FUT9: variants seen among roughly 807,000 people sequenced by gnomAD.
The protein encoded by FUT9 is 4-galactosyl-N-acetylglucosaminide 3-alpha-L-fucosyltransferase 9.
FUT9 carries 15 observed loss-of-function variants against 29.7 expected under a neutral mutation model. The ratio of observed to expected loss-of-function variants is 0.51; its 90% CI spans 0.34 to 0.78. The LOEUF (loss-of-function observed/expected upper bound fraction) is 0.78, where lower values mean the gene tolerates loss of function less well. Ranked by LOEUF, FUT9 falls within the 30% of genes least tolerant of loss-of-function variation. The probability of loss-of-function intolerance (pLI) is 0.01; values close to 1 mark genes in which losing one functional copy is unlikely to be tolerated. For missense variants in FUT9, 319 were observed against 425.4 expected (o/e 0.75, Z 2.20); for synonymous variants, 169 against 153.7 (o/e 1.10, Z -0.74).
intron 2 of FUT9, among the ~76,000 whole-genome samples, chr6:96,135,265 C>T (rs1170045608): frequency 6.6e-6 from 1 of 151,852 alleles, no homozygotes; most frequent in Non-Finnish European, 1.5e-5. Context: ...TAAACACACA[C>T]ATACATGAGG....
Position 96,066,479 on chromosome 6 carries a change from A to G in FUT9, c.-97-47560A>G, listed in dbSNP as rs146193296. On this transcript the variant is annotated intron_variant, in intron 1 of 2. Coordinates refer to ENST00000302103, the MANE Select transcript of FUT9 (RefSeq NM_006581.4). ...ATTTAACCACAAGTATGATATTATC[A>G]TTTGGTACTGACAGGGCTATTGTCA... is the stretch of plus-strand genomic sequence containing the variant. 2.6e-3 allele frequency among the ~76,000 whole-genome samples: 398 copies of G among 152,158 alleles called. 19 individuals carry two copies. The East Asian group carries it at 0.062, about 24-fold the overall frequency.
At chr6:96,164,399 C>T (rs139466396) in intron 2 of FUT9, among the ~76,000 whole-genome samples, 14 of 152,096 alleles carry the variant, frequency 9.2e-5, no homozygotes, top group African/African-American at 3.4e-4. Flanking sequence ...GCTGGGACTA[C>T]AGGCGCCTGC....
chr6:96,128,980 G>A (rs571204664), intron 2 of FUT9, among the ~76,000 whole-genome samples: 4 of 151,688 alleles, frequency 2.6e-5, no homozygotes, highest in African/African-American at 4.8e-5. Context: ...AATAGCCACC[G>A]GGTGTGGTGG....
chr6:96,028,028 A>T (rs1228178002), intron 1 of FUT9, among the ~76,000 whole-genome samples: 1 of 151,646 alleles, frequency 6.6e-6, no homozygotes, highest in Non-Finnish European at 1.5e-5. Context: ...AGTGAATCAA[A>T]CACAAGACAG....
chr6:96,176,454 A>G (rs1383075606), intron 2 of FUT9, among the ~76,000 whole-genome samples: 3 of 152,146 alleles, frequency 2.0e-5, no homozygotes, highest in African/African-American at 7.2e-5. Context: ...CTGTCATTGT[A>G]GCACAAAAGC....
rs567952723 is a variant in FUT9 at position 96,122,371 on chromosome 6, C to G, written c.-9+8244C>G. On this transcript the variant is annotated intron_variant, in intron 2 of 2. Transcript: ENST00000302103. ...ATATTGGATGGGTGGCTGGAACTCT[C>G]AAATGCAGAAACTACACTTTAGGTT... 2.0e-5 allele frequency among the ~76,000 whole-genome samples: 3 copies of G among 152,246 alleles called. No individual in the cohort carries two copies. In the South Asian group the frequency reaches 6.2e-4, roughly 32 times the overall value.
Position 96,058,468 on chromosome 6 carries a change from C to CAAAAAAAAA in FUT9, c.-98+42266_-98+42274dup, listed in dbSNP as rs3079049. Among the ~76,000 whole-genome samples, 171 of 77,078 alleles carry CAAAAAAAAA rather than the reference C, an allele frequency of 2.2e-3. 4 individuals carry two copies. Among genetic ancestry groups the CAAAAAAAAA allele is most frequent in the African/African-American group, 6.3e-3 (108 of 17,120 alleles). 50.6% of individuals were successfully genotyped at this position (77,078 alleles called of 152,430 possible). A position where few individuals can be genotyped will look rare whatever the true frequency, so the allele number is the denominator to read the frequency against. On this transcript the variant is annotated intron_variant, in intron 1 of 2. Coordinates refer to ENST00000302103, the MANE Select transcript of FUT9 (RefSeq NM_006581.4). ...AAAGACTGGGAACCTGGCTTTATTC[C>CAAAAAAAAA]AAAAAAAAAAAAAAAAAAGCCAGAA...
At chr6:96,020,634 T>C (rs1770050953) in intron 1 of FUT9, among the ~76,000 whole-genome samples, 1 of 152,114 alleles carries the variant, frequency 6.6e-6, no homozygotes, top group African/African-American at 2.4e-5. Context: ...TTCTTGGTTA[T>C]GGTGGCTCAT....
intron 1 of FUT9, among the ~76,000 whole-genome samples, chr6:96,086,568 C>T (rs571215715): frequency 1.3e-5 from 2 of 152,296 alleles, no homozygotes; most frequent in East Asian, 3.9e-4. Flanking sequence ...CTTAAAGTCA[C>T]AAAGATATTC....
At position 96,204,243 on chromosome 6, in the gene FUT9, C is replaced by A; in HGVS notation, c.*8C>A. The A allele has an allele frequency of 1.4e-6, 2 of 1,431,942 alleles. No homozygotes were observed. Among genetic ancestry groups the A allele is most frequent in the South Asian group, 1.8e-5 (1 of 54,474 alleles). 88.7% of individuals were successfully genotyped at this position (1,431,942 alleles called of 1,614,324 possible). A position where few individuals can be genotyped will look rare whatever the true frequency, so the allele number is the denominator to read the frequency against. Reference sequence around the variant, plus strand: ...AAATGGTTTTGGAATTAAAATTTTTCATCACTTGCACACTTGATAAATATT... The same window carrying A: ...AAATGGTTTTGGAATTAAAATTTTTAATCACTTGCACACTTGATAAATATT... On this transcript the variant is annotated 3_prime_UTR_variant, in exon 3 of 3. Coordinates refer to ENST00000302103, the MANE Select transcript of FUT9 (RefSeq NM_006581.4).
intron 1 of FUT9, among the ~76,000 whole-genome samples, chr6:96,069,964 A>T (rs1009780330): frequency 1.3e-5 from 2 of 152,196 alleles, no homozygotes; most frequent in Admixed American, 6.5e-5. Flanking sequence ...AGCTAAAAAA[A>T]CACACAAAAT....
chr6:96,103,879 T>C (rs1771632287), intron 1 of FUT9, among the ~76,000 whole-genome samples: 1 of 152,202 alleles, frequency 6.6e-6, no homozygotes, highest in South Asian at 2.1e-4. Context: ...AATTGGTGGA[T>C]CCATCTTAAC....
At chr6:96,115,616 G>A (rs1771896339) in intron 2 of FUT9, among the ~76,000 whole-genome samples, 1 of 152,118 alleles carries the variant, frequency 6.6e-6, no homozygotes, top group East Asian at 1.9e-4. Context: ...GTGGCTGGTA[G>A]TTTCCATACT....
In FUT9 at chr6:96,142,250, C is replaced by T. The variant is rs559942028; in HGVS notation, c.-9+28123C>T. Among the ~76,000 whole-genome samples, 73 of 152,006 alleles carry T rather than the reference C, an allele frequency of 4.8e-4. 1 individual carries two copies. Among genetic ancestry groups the T allele is most frequent in the Non-Finnish European group, 1.2e-4 (8 of 67,996 alleles). On this transcript the variant is annotated intron_variant, in intron 2 of 2. Transcript: ENST00000302103. ...TACAGCTGCTTTTTGTATTAACAAG[C>T]GATAAGTGATACTAAAGATAAGAGT...
intron 2 of FUT9, among the ~76,000 whole-genome samples, chr6:96,118,547 T>C (rs1178662144): frequency 6.6e-6 from 1 of 152,234 alleles, no homozygotes; most frequent in Non-Finnish European, 1.5e-5. Context: ...TAGTACATAC[T>C]GTACAATTAC....
intron 2 of FUT9, among the ~76,000 whole-genome samples, chr6:96,133,417 A>T (rs936778440): frequency 6.6e-6 from 1 of 151,934 alleles, no homozygotes; most frequent in Non-Finnish European, 1.5e-5. Context: ...CATTGTGAAC[A>T]TCTGAGTAAT....
intron 2 of FUT9, among the ~76,000 whole-genome samples, chr6:96,200,195 A>T (rs1345749880): frequency 6.6e-6 from 1 of 152,144 alleles, no homozygotes; most frequent in Non-Finnish European, 1.5e-5. Flanking sequence ...AGTGTTTGAC[A>T]CTAATAAGTG....
chr6:96,194,047 C>G (rs771870105), intron 2 of FUT9, among the ~76,000 whole-genome samples: 8 of 152,080 alleles, frequency 5.3e-5, no homozygotes, highest in Non-Finnish European at 1.0e-4. Context: ...ACACCAGGGC[C>G]TGTAGTAGTG....
At chr6:96,141,351 C>G (rs900654155) in intron 2 of FUT9, among the ~76,000 whole-genome samples, 3 of 152,122 alleles carry the variant, frequency 2.0e-5, no homozygotes, top group Admixed American at 2.0e-4. Flanking sequence ...ATTCCACAAT[C>G]AAATAAGTTT....
Sources: allele counts gnomAD v4.1 joint callset (sites outside exome capture counted in the v4.1 genomes callset), GRCh38; gene constraint gnomAD v4.1.1; transcripts MANE v1.5; gene names NCBI Gene and HGNC (gene_info 2026-07-23, HGNC 2026-07-21).